The following TJP2 variants were observed in gnomAD, a reference collection of about 807,000 sequenced individuals.
TJP2 encodes the protein Friedreich ataxia region gene X104 (tight junction protein ZO-2).
TJP2 carries 91 observed loss-of-function variants against 133.1 expected under a neutral mutation model. The observed-to-expected ratio is 0.68, with a 90% CI of 0.58 to 0.81. The LOEUF (loss-of-function observed/expected upper bound fraction) is 0.81, where lower values mean the gene tolerates loss of function less well. Ranked by LOEUF, TJP2 falls within the 40% of genes least tolerant of loss-of-function variation. The pLI is 0.00. For missense variants in TJP2, 1,541 were observed against 1,565.6 expected (o/e 0.98, Z 0.26); for synonymous variants, 592 against 583.4 (o/e 1.01, Z -0.21).
At chr9:69,197,104 G>A (rs1826635847) in intron 1 of TJP2, among the ~76,000 whole-genome samples, 1 of 152,010 alleles carries the variant, frequency 6.6e-6, no homozygotes, top group South Asian at 2.1e-4. Flanking sequence ...CAGCAGCTGG[G>A]ATTACAAGTG....
At chr9:69,154,318 G>A (rs538695627) in intron 2 of TJP2, among the ~76,000 whole-genome samples, 11 of 152,264 alleles carry the variant, frequency 7.2e-5, no homozygotes, top group Non-Finnish European at 1.0e-4. Context: ...TGTTGTGATC[G>A]ATTGGCAATG....
intron 2 of TJP2, among the ~76,000 whole-genome samples, chr9:69,164,783 A>C (rs917175627): frequency 1.5e-4 from 23 of 152,194 alleles, no homozygotes; most frequent in Admixed American, 3.9e-4. Context: ...GAGGGGCCGG[A>C]AAGCCGGGAA....
chr9:69,197,206 C>T (rs1225000468), intron 1 of TJP2, among the ~76,000 whole-genome samples: 2 of 152,148 alleles, frequency 1.3e-5, no homozygotes, highest in Non-Finnish European at 2.9e-5. Flanking sequence ...ATCCACCTGC[C>T]TCGACCTCCC....
chr9:69,214,416 T>C (rs573133899), intron 2 of TJP2, among the ~76,000 whole-genome samples: 4 of 152,136 alleles, frequency 2.6e-5, no homozygotes, highest in Non-Finnish European at 5.9e-5. Context: ...ACAAATGAAT[T>C]AGGATTATGT....
Position 69,248,182 on chromosome 9 carries a change from G to A in TJP2, c.2838G>A (p.Val946=). The change falls in exon 19 of 23, where the codon GTG becomes GTA. Residue 946 remains valine (V), a synonymous_variant. Transcript: ENST00000377245. The part of the protein sequence containing the change: ...ELDEPAEEPL[V]SSITRSSEPV... ...ATGAGCCAGCCGAGGAGCCGCTGGT[G>A]TCGTCCATCACCCGCTCCTCGGAGC... 1 of 1,612,806 alleles carries A rather than the reference G, an allele frequency of 6.2e-7. No homozygotes were observed. The highest frequency in any genetic ancestry group is 1.3e-5 in the African/African-American group (1 of 75,028).
At chr9:69,228,253 G>C (rs1829499729) in intron 9 of TJP2, 139 bp downstream of exon 9, 3 of 1,110,840 alleles carry the variant, frequency 2.7e-6, no homozygotes, top group South Asian at 2.7e-5. Context: ...AATTAACATG[G>C]TAACAGAAAA....
intron 1 of TJP2, among the ~76,000 whole-genome samples, chr9:69,179,758 C>T (rs1825363800): frequency 6.6e-6 from 1 of 152,130 alleles, no homozygotes. Context: ...CTCGGCCTCC[C>T]AAAGTGCTGG....
At chr9:69,190,658 G>A (rs929535099) in intron 1 of TJP2, among the ~76,000 whole-genome samples, 3 of 152,184 alleles carry the variant, frequency 2.0e-5, no homozygotes, top group Non-Finnish European at 4.4e-5. Context: ...AAGAAACCAG[G>A]AATTGAGATG....
intron 1 of TJP2, among the ~76,000 whole-genome samples, chr9:69,149,619 G>A (rs1166691014): frequency 6.6e-6 from 1 of 152,196 alleles, no homozygotes; most frequent in Non-Finnish European, 1.5e-5. Flanking sequence ...AGTATGTCCA[G>A]AAGTGGTGAG....
At chr9:69,170,401 A>T (rs1475345119), upstream of TJP2, among the ~76,000 whole-genome samples, 5 of 152,048 alleles carry the variant, frequency 3.3e-5, no homozygotes. Flanking sequence ...CTTGTTGTAT[A>T]GACTTCCTTA....
At chr9:69,141,771 TACAG>T (rs1289435572) in intron 1 of TJP2, among the ~76,000 whole-genome samples, 2 of 152,030 alleles carry the variant, frequency 1.3e-5, no homozygotes, top group Admixed American at 6.6e-5. Context: ...GTATTTTTAG[TACAG>T]ACAGAGTTTC....
chr9:69,235,711 G>A (rs946197006), intron 12 of TJP2, among the ~76,000 whole-genome samples: 2 of 152,244 alleles, frequency 1.3e-5, no homozygotes, highest in East Asian at 3.9e-4. Flanking sequence ...TGGGGAGGGC[G>A]ATCTTCTTTG....
chr9:69,196,533 G>A (rs1588027099), intron 1 of TJP2, among the ~76,000 whole-genome samples: 1 of 152,098 alleles, frequency 6.6e-6, no homozygotes, highest in Admixed American at 6.6e-5. Context: ...TAAGTAACTC[G>A]CCCAAGGTAA....
At chr9:69,205,360 A>G in intron 1 of TJP2, 1 of 1,492,844 alleles carries the variant, frequency 6.7e-7, no homozygotes, top group Non-Finnish European at 8.9e-7. Flanking sequence ...GGCATCTTTC[A>G]GCAACAAATT....
chr9:69,163,570 T>C (rs1824199035), intron 2 of TJP2, among the ~76,000 whole-genome samples: 1 of 150,876 alleles, frequency 6.6e-6, no homozygotes. Context: ...TGGGAGGCAA[T>C]GGTTGCAGTG....
chr9:69,179,409 A>T (rs989581509), intron 1 of TJP2, among the ~76,000 whole-genome samples: 1 of 152,190 alleles, frequency 6.6e-6, no homozygotes, highest in Non-Finnish European at 1.5e-5. Flanking sequence ...CTCAATTAGA[A>T]TATCAGTGGT....
rs750117410 is a variant in TJP2, at chr9:69,251,053, G to GA, written c.3012dup (p.Glu1005ArgfsTer4). ...TCCGCAGGCCAAAACCCAGAACAAA[G>GA]AAGAATCCTATGACTTCTCCAAATC... On this transcript the variant is annotated frameshift_variant, in exon 21 of 23. Transcript: ENST00000377245. LOFTEE classifies it high-confidence loss of function. 1 of 1,614,168 alleles carries GA rather than the reference G, an allele frequency of 6.2e-7. No homozygotes were observed. The highest frequency in any genetic ancestry group is 1.3e-5 in the African/African-American group (1 of 75,046).
At chr9:69,248,826 A>T (rs1449412040) in intron 19 of TJP2, 2 of 994,368 alleles carry the variant, frequency 2.0e-6, no homozygotes, top group East Asian at 2.2e-4. Flanking sequence ...GTTAGCAATT[A>T]TTAGTTGCAC....
chr9:69,175,310 T>G (rs991938365), intron 1 of TJP2, among the ~76,000 whole-genome samples: 19 of 152,198 alleles, frequency 1.2e-4, no homozygotes, highest in African/African-American at 4.6e-4. Context: ...CTTGCGCTTC[T>G]CACTCACGCT....
Sources: gnomAD v4.1 joint callset for allele counts (sites outside exome capture counted in the v4.1 genomes callset) on GRCh38, gnomAD v4.1.1 for gene constraint, MANE v1.5 for transcripts, NCBI Gene and HGNC (gene_info 2026-07-23, HGNC 2026-07-21) for gene names.